Variants in NAALADL2 observed in about 807,000 individuals in gnomAD.
NAALADL2 encodes N-acetylated alpha-linked acidic dipeptidase like 2.
Under a neutral mutation model 87.2 loss-of-function variants are expected in NAALADL2, and 76 were observed. That is an observed-to-expected ratio of 0.87 (90% CI 0.72 to 1.05). The LOEUF (loss-of-function observed/expected upper bound fraction) is 1.05, where lower values mean the gene tolerates loss of function less well. Ranked by LOEUF, NAALADL2 falls within the 50% of genes least tolerant of loss-of-function variation. NAALADL2 has a pLI of 0.00. For synonymous variants in NAALADL2, 354 were observed against 331.0 expected, an observed-to-expected ratio of 1.07 and a Z score of -0.75; for missense variants, 1,089 against 945.8, an observed-to-expected ratio of 1.15 and a Z score of -1.99.
chr3:175,626,370 A>T lies in NAALADL2; in HGVS notation c.1801-921A>T, dbSNP rs12492611. On this transcript the variant is annotated intron_variant, in intron 10 of 13. Transcript: ENST00000454872. Reference sequence around the variant, plus strand: ...ATGTTATCTTAAATACAGTGAATACACTTTTTGTTGATTCTTTAACTTTCT... The same window carrying T: ...ATGTTATCTTAAATACAGTGAATACTCTTTTTGTTGATTCTTTAACTTTCT... Among the ~76,000 whole-genome samples the T allele has an allele frequency of 1.3e-3, 198 of 151,994 alleles. 1 individual carries two copies. Among genetic ancestry groups the T allele is most frequent in the Admixed American group, 2.8e-3 (42 of 15,246 alleles).
intron 2 of NAALADL2, among the ~76,000 whole-genome samples, chr3:174,652,567 C>G (rs943641904): frequency 6.7e-6 from 1 of 148,646 alleles, no homozygotes; most frequent in Non-Finnish European, 1.5e-5. Context: ...CATCAGATCT[C>G]GTGAAACTTA....
At chr3:175,609,439 T>C (rs1220459234) in intron 10 of NAALADL2, 1 of 152,196 alleles carries the variant, frequency 6.6e-6, no homozygotes, top group African/African-American at 2.4e-5. Context: ...TTTTTTAAGA[T>C]ATGGAATATG....
intron 1 of NAALADL2, among the ~76,000 whole-genome samples, chr3:174,487,408 C>G (rs1717920883): frequency 6.6e-6 from 1 of 151,934 alleles, no homozygotes; most frequent in African/African-American, 2.4e-5. Flanking sequence ...TCATGGAATT[C>G]AGAGAAAAGT....
At chr3:174,455,518 T>C (rs1029657634) in intron 1 of NAALADL2, among the ~76,000 whole-genome samples, 2 of 151,972 alleles carry the variant, frequency 1.3e-5, no homozygotes, top group Non-Finnish European at 2.9e-5. Flanking sequence ...CAAAAACATA[T>C]CCAGTATGAT....
chr3:174,562,895 G>GT (rs1713797967), intron 2 of NAALADL2, among the ~76,000 whole-genome samples: 3 of 152,018 alleles, frequency 2.0e-5, no homozygotes, highest in Non-Finnish European at 2.9e-5. Context: ...AAAATAGTTG[G>GT]GAATTAAAAG....
intron 5 of NAALADL2, among the ~76,000 whole-genome samples, chr3:175,422,636 T>C (rs908630054): frequency 6.6e-6 from 1 of 150,784 alleles, no homozygotes; most frequent in East Asian, 2.0e-4. Flanking sequence ...GTGATGTGCA[T>C]CACAGGCAAT....
At chr3:175,758,088 T>C (rs1747498703) in intron 13 of NAALADL2, among the ~76,000 whole-genome samples, 1 of 152,090 alleles carries the variant, frequency 6.6e-6, no homozygotes, top group Non-Finnish European at 1.5e-5. Context: ...AAAATATTTA[T>C]GAACTCAATT....
At chr3:175,303,260 G>T (rs1387323561) in intron 4 of NAALADL2, among the ~76,000 whole-genome samples, 4 of 152,044 alleles carry the variant, frequency 2.6e-5, no homozygotes, top group Admixed American at 2.6e-4. Context: ...TTTTAGCATT[G>T]TTGTGTAGAT....
chr3:174,900,672 C>G (rs1263597294), intron 1 of NAALADL2, among the ~76,000 whole-genome samples: 2 of 151,522 alleles, frequency 1.3e-5, no homozygotes, highest in Non-Finnish European at 2.9e-5. Flanking sequence ...ACCTTATGTT[C>G]TCATATAAGT....
intron 9 of NAALADL2, among the ~76,000 whole-genome samples, chr3:175,532,318 T>C (rs1734194916): frequency 1.3e-5 from 2 of 152,208 alleles, no homozygotes; most frequent in African/African-American, 2.4e-5. Context: ...AGCACAGTTA[T>C]GCTGGTAAAA....
intron 3 of NAALADL2, among the ~76,000 whole-genome samples, chr3:174,760,840 T>A (rs1043278773): frequency 1.3e-4 from 20 of 152,376 alleles, no homozygotes; most frequent in African/African-American, 4.8e-4. Context: ...TCGGTTCAAT[T>A]ACCTTAGTTG....
In NAALADL2 at chr3:175,113,837, C is replaced by T. The variant is rs565654707; in HGVS notation, c.545+16546C>T. On this transcript the variant is annotated intron_variant, in intron 2 of 13. Coordinates refer to ENST00000454872, the MANE Select transcript of NAALADL2 (RefSeq NM_207015.3). ...ATATTCATCTTTTCAAAATCGTAAA[C>T]AAACCCAAAGTTTTCTCTGGAGAAA... Among the ~76,000 whole-genome samples the T allele has an allele frequency of 2.0e-5, 3 of 151,616 alleles. No individual in the cohort carries two copies. In the South Asian group the frequency reaches 6.2e-4, roughly 31 times the overall value.
chr3:175,461,947 G>T (rs116212920), intron 6 of NAALADL2, among the ~76,000 whole-genome samples: 1,809 of 152,228 alleles, frequency 0.012, 20 homozygotes, highest in Non-Finnish European at 0.018. Context: ...GGGGAGAGAG[G>T]GAGGGAAGGA....
At chr3:174,813,126 C>T (rs1324132511) in intron 3 of NAALADL2, among the ~76,000 whole-genome samples, 1 of 152,132 alleles carries the variant, frequency 6.6e-6, no homozygotes, top group Non-Finnish European at 1.5e-5. Context: ...CCCGCAAGAC[C>T]CATTCATGTT....
chr3:174,873,199 G>GTCTCTCTCTCTCTC (rs3884084), intron 1 of NAALADL2, among the ~76,000 whole-genome samples: 8 of 148,454 alleles, frequency 5.4e-5, no homozygotes, highest in African/African-American at 2.0e-4. Context: ...CTCTCTGTCT[G>GTCTCTCTCTCTCTC]TCTCTCTCTC....
rs1398106060 is a variant in NAALADL2, at chr3:175,156,684, G to T, written c.545+59393G>T. The stretch of plus-strand genomic sequence containing the variant: ...AGTAGATTGTCTATCCTTCAAAAAT[G>T]CTGACCCTCAGAGGACTTCTGGAAC... On this transcript the variant is annotated intron_variant, in intron 2 of 13. Transcript: ENST00000454872. Among the ~76,000 whole-genome samples, 3 of 144,834 alleles carry T rather than the reference G, an allele frequency of 2.1e-5. No individual in the cohort carries two copies. In the South Asian group the frequency reaches 6.5e-4, roughly 31 times the overall value.
In NAALADL2 at chr3:174,959,690, G is replaced by C. The variant is rs149136528; in HGVS notation, c.43+100240G>C. On this transcript the variant is annotated intron_variant, in intron 1 of 13. Transcript: ENST00000454872. ...ATTTCTTATCTCTAGGCAAAGTAAG[G>C]TTGCATAAGCATTGAGAATGAAGAG... Among the ~76,000 whole-genome samples the C allele has an allele frequency of 3.1e-3, 470 of 152,144 alleles. 4 individuals carry two copies. Among genetic ancestry groups the C allele is most frequent in the African/African-American group, 0.011 (440 of 41,526 alleles).
chr3:175,077,165 AG>A (rs1716760795), intron 1 of NAALADL2, among the ~76,000 whole-genome samples: 1 of 152,218 alleles, frequency 6.6e-6, no homozygotes, highest in Non-Finnish European at 1.5e-5. Context: ...TCAAATGACA[AG>A]CCTAGTCTGA....
chr3:175,382,876 G>A (rs930612205), intron 5 of NAALADL2, among the ~76,000 whole-genome samples: 2 of 152,084 alleles, frequency 1.3e-5, no homozygotes, highest in African/African-American at 4.8e-5. Flanking sequence ...TTTGACAATA[G>A]CCTTTCAATA....
Sources: allele counts gnomAD v4.1 joint callset (sites outside exome capture counted in the v4.1 genomes callset), GRCh38; gene constraint gnomAD v4.1.1; transcripts MANE v1.5; gene names NCBI Gene and HGNC (gene_info 2026-07-23, HGNC 2026-07-21).